Variants in ALG6 observed in about 807,000 individuals in gnomAD.
ALG6 encodes ALG6 alpha-1,3-glucosyltransferase.
Under a neutral mutation model 66.6 loss-of-function variants are expected in ALG6, and 46 were observed. The ratio of observed to expected loss-of-function variants is 0.69; its 90% confidence interval spans 0.55 to 0.88. The LOEUF is 0.88. ALG6 is among the 40% of genes least tolerant of loss of function. ALG6 has a pLI of 0.00. For missense variants in ALG6, 505 were observed against 586.8 expected (o/e 0.86, Z 1.44); for synonymous variants, 185 against 203.7 (o/e 0.91, Z 0.78).
chr1:63,389,485 A>G (rs1238723285), intron 2 of ALG6, among the ~76,000 whole-genome samples: 1 of 152,006 alleles, frequency 6.6e-6, no homozygotes, highest in Non-Finnish European at 1.5e-5. Context: ...CTTCTCTGTT[A>G]TATCTTGAAT....
chr1:63,413,375 G>A (rs898015875), intron 9 of ALG6, among the ~76,000 whole-genome samples: 2 of 152,176 alleles, frequency 1.3e-5, no homozygotes, highest in Non-Finnish European at 2.9e-5. Flanking sequence ...GTTTGATGGT[G>A]TTGCCAGTCT....
chr1:63,371,697 C>T (rs372543930), intron 2 of ALG6, among the ~76,000 whole-genome samples: 5 of 152,184 alleles, frequency 3.3e-5, no homozygotes, highest in African/African-American at 7.2e-5. Context: ...CTCTGCCTCC[C>T]GGGTTCAAGC....
In ALG6 at chr1:63,433,443, C is replaced by T. The variant is rs1644659390; in HGVS notation, c.1327-3380C>T. Among the ~76,000 whole-genome samples the T allele has an allele frequency of 1.3e-5, 2 of 151,996 alleles. No homozygotes were observed. Among genetic ancestry groups the T allele is most frequent in the Admixed American group, 6.6e-5 (1 of 15,258 alleles). Reference sequence around the variant, plus strand: ...TTGAATGGGTGTCCTGAGGGTTTTGCACTTTAGGTAATGACCATGGAGGAT... The same window carrying T: ...TTGAATGGGTGTCCTGAGGGTTTTGTACTTTAGGTAATGACCATGGAGGAT... On this transcript the variant is annotated intron_variant, in intron 14 of 14. Coordinates refer to ENST00000263440, the MANE Select transcript of ALG6 (RefSeq NM_013339.4). This position sits in a 1 kb window ranked among gnomAD's most constrained non-coding sequence, Gnocchi z 4.2.
intron 3 of ALG6, among the ~76,000 whole-genome samples, chr1:63,398,960 G>A (rs1443571963): frequency 6.6e-6 from 1 of 152,194 alleles, no homozygotes; most frequent in African/African-American, 2.4e-5. Context: ...CTTTAGATCA[G>A]GAGTTTGGGC....
intron 12 of ALG6, among the ~76,000 whole-genome samples, chr1:63,422,412 TAA>T (rs1430058852): frequency 5.6e-5 from 2 of 35,950 alleles, no homozygotes; most frequent in Middle Eastern, 0.018. Context: ...TATATAAATA[TAA>T]ATATATATAT....
rs183722187 is a variant in ALG6, at chr1:63,412,128, G to A, written c.816+67G>A. ...TACCTGTGACCTTTAGGGGTTTCATGTAGAAGGTACAAGGAATAGGAACTT... is the reference window on the plus strand; with the variant it reads ...TACCTGTGACCTTTAGGGGTTTCATATAGAAGGTACAAGGAATAGGAACTT... On this transcript the variant is annotated intron_variant, in intron 9 of 14. Coordinates refer to ENST00000263440, the MANE Select transcript of ALG6 (RefSeq NM_013339.4). 1.5e-3 allele frequency: 2,425 copies of A among 1,605,634 alleles called. 6 individuals carry two copies. The highest frequency in any genetic ancestry group is 2.3e-3 in the Admixed American group (137 of 59,990).
intron 2 of ALG6, chr1:63,371,410 C>G (rs746593646): frequency 3.0e-5 from 8 of 265,764 alleles, no homozygotes; most frequent in Non-Finnish European, 5.9e-5. Flanking sequence ...TAAAGGGAAG[C>G]GATCAGTGAA....
At chr1:63,422,262 GATATAA>G (rs1242388620) in intron 12 of ALG6, among the ~76,000 whole-genome samples, 1 of 31,020 alleles carries the variant, frequency 3.2e-5, no homozygotes, top group Non-Finnish European at 5.1e-5. Context: ...TATTTATATA[GATATAA>G]ATATATATAT....
rs764614918 is a variant in ALG6 at position 63,437,038 on chromosome 1, T to C, written c.*18T>C. Reference sequence around the variant, plus strand: ...TCAGCTAGCTGTATTCCTAAACAAATTGTTTCCTAAACAAATGTGAAAATG... The same window carrying C: ...TCAGCTAGCTGTATTCCTAAACAAACTGTTTCCTAAACAAATGTGAAAATG... On this transcript the variant is annotated 3_prime_UTR_variant, in exon 15 of 15. Transcript: ENST00000263440. The C allele has an allele frequency of 6.2e-7, 1 of 1,606,088 alleles. No individual in the cohort carries two copies. Among genetic ancestry groups the C allele is most frequent in the South Asian group, 1.1e-5 (1 of 90,572 alleles).
rs529667369 is a variant in ALG6, at chr1:63,433,976, T to C, written c.1327-2847T>C. On this transcript the variant is annotated intron_variant, in intron 14 of 14. Coordinates refer to ENST00000263440, the MANE Select transcript of ALG6 (RefSeq NM_013339.4). This position sits in a 1 kb window ranked among gnomAD's most constrained non-coding sequence, Gnocchi z 4.2. The stretch of plus-strand genomic sequence containing the variant: ...ACCAAAGGAAGTAAACTGCAGATAA[T>C]TGAGGGTAGAACATCCTAGAAGAGA... Among the ~76,000 whole-genome samples the C allele has an allele frequency of 1.3e-5, 2 of 152,252 alleles. No individual in the cohort carries two copies. Among genetic ancestry groups the C allele is most frequent in the South Asian group, 4.2e-4 (2 of 4,818 alleles).
At chr1:63,375,235 T>C (rs1648083109) in intron 2 of ALG6, among the ~76,000 whole-genome samples, 1 of 151,868 alleles carries the variant, frequency 6.6e-6, no homozygotes, top group Admixed American at 6.6e-5. Flanking sequence ...GCAAATACTT[T>C]GTTTCTTTTC....
chr1:63,371,704 A>T (rs527754598), intron 2 of ALG6, among the ~76,000 whole-genome samples: 8 of 152,156 alleles, frequency 5.3e-5, no homozygotes, highest in Admixed American at 3.9e-4. Flanking sequence ...TCCCGGGTTC[A>T]AGCAATTCTT....
chr1:63,421,525 A>G (rs1195785038), intron 12 of ALG6, among the ~76,000 whole-genome samples: 1 of 152,200 alleles, frequency 6.6e-6, no homozygotes, highest in Non-Finnish European at 1.5e-5. Flanking sequence ...ATTACTGGGT[A>G]TATACTCAAA....
At position 63,433,423 on chromosome 1, in the gene ALG6, T is replaced by TG. The variant is rs1294419014; in HGVS notation, c.1327-3397dup. ...CAGGTATTCTCAGGGCAGAGTTGAA[T>TG]GGGTGTCCTGAGGGTTTTGCACTTT... is the stretch of plus-strand genomic sequence containing the variant. On this transcript the variant is annotated intron_variant, in intron 14 of 14. Coordinates refer to ENST00000263440, the MANE Select transcript of ALG6 (RefSeq NM_013339.4). This position sits in a 1 kb window ranked among gnomAD's most constrained non-coding sequence, Gnocchi z 4.2. 3.3e-5 allele frequency among the ~76,000 whole-genome samples: 5 copies of TG among 152,142 alleles called. No homozygotes were observed. Among genetic ancestry groups the TG allele is most frequent in the Non-Finnish European group, 5.9e-5 (4 of 68,012 alleles).
At position 63,415,969 on chromosome 1, in the gene ALG6, A is replaced by G. The variant is rs758406155; in HGVS notation, c.987+12A>G. 136 of 1,528,280 alleles carry G rather than the reference A, an allele frequency of 8.9e-5. No individual in the cohort carries two copies. In the Admixed American group the frequency reaches 2.1e-3, roughly 24 times the overall value. The allele number at this position is 1,528,280 out of a possible 1,614,324, so 94.7% of individuals were successfully genotyped here. A position where few individuals can be genotyped will look rare whatever the true frequency, so the allele number is the denominator to read the frequency against. On this transcript the variant is annotated intron_variant, in intron 11 of 14. Coordinates refer to ENST00000263440, the MANE Select transcript of ALG6 (RefSeq NM_013339.4). ...TCAAATTTACACTGGTAAGTTTTTCATTACTTTAGATACTTAATTCTTGCC... is the reference window on the plus strand; with the variant it reads ...TCAAATTTACACTGGTAAGTTTTTCGTTACTTTAGATACTTAATTCTTGCC...
At chr1:63,403,097 A>G in intron 4 of ALG6, among the ~76,000 whole-genome samples, 1 of 71,944 alleles carries the variant, frequency 1.4e-5, no homozygotes, top group Non-Finnish European at 2.8e-5. Flanking sequence ...TCCATCTCAA[A>G]AAAAAAAAAA....
intron 12 of ALG6, among the ~76,000 whole-genome samples, chr1:63,421,159 A>AGCGGT (rs1644571016): frequency 6.6e-6 from 1 of 152,050 alleles, no homozygotes; most frequent in South Asian, 2.1e-4. Flanking sequence ...GGATGCAGGT[A>AGCGGT]GCGGTTGCAA....
chr1:63,384,000 C>A (rs1286134393), intron 2 of ALG6, among the ~76,000 whole-genome samples: 3 of 152,166 alleles, frequency 2.0e-5, no homozygotes, highest in Non-Finnish European at 2.9e-5. Context: ...GTGACAGGAT[C>A]TCATTCTTTT....
chr1:63,407,182 A>G, intron 7 of ALG6, 56 bp downstream of exon 7: 1 of 1,270,686 alleles, frequency 7.9e-7, no homozygotes, highest in Non-Finnish European at 1.2e-6. Flanking sequence ...ATCTAGACTC[A>G]ATGTGTACAT....
Sources: gnomAD v4.1 joint callset for allele counts (sites outside exome capture counted in the v4.1 genomes callset) on GRCh38, gnomAD v4.1.1 for gene constraint, Gnocchi (gnomAD v3.1) non-coding constraint, MANE v1.5 for transcripts, NCBI Gene and HGNC (gene_info 2026-07-23, HGNC 2026-07-21) for gene names.